The following MEMO1 variants were observed in gnomAD, a reference collection of about 807,000 sequenced individuals.
MEMO1 encodes the protein protein MEMO1.
MEMO1 carries 6 observed loss-of-function variants against 45.2 expected under a neutral mutation model. The observed-to-expected ratio is 0.13, with a 90% CI of 0.07 to 0.26. The LOEUF (loss-of-function observed/expected upper bound fraction) is 0.26. MEMO1 is among the 10% of genes least tolerant of loss of function. The pLI, the probability that MEMO1 is intolerant of heterozygous loss-of-function variation, is 1.00. For missense variants in MEMO1, 184 were observed against 370.5 expected, an observed-to-expected ratio of 0.50 and a Z score of 4.13; for synonymous variants, 78 against 124.3, an observed-to-expected ratio of 0.63 and a Z score of 2.48.
At chr2:31,929,053 T>C (rs1359004933) in intron 4 of MEMO1, among the ~76,000 whole-genome samples, 1 of 152,144 alleles carries the variant, frequency 6.6e-6, no homozygotes, top group African/African-American at 2.4e-5. Flanking sequence ...TCCATTGAAA[T>C]GCATTTTTTT....
chr2:31,972,085 AG>A (rs1669479900), intron 2 of MEMO1, among the ~76,000 whole-genome samples: 2 of 152,358 alleles, frequency 1.3e-5, no homozygotes, highest in African/African-American at 4.8e-5. Flanking sequence ...GGTGCAGACT[AG>A]GAACAGCACT....
chr2:31,969,322 GAT>G (rs764927129), intron 2 of MEMO1, among the ~76,000 whole-genome samples: 5 of 149,336 alleles, frequency 3.3e-5, no homozygotes, highest in Admixed American at 2.7e-4. Context: ...ATACATGTGT[GAT>G]ATGTGTGTAT....
At chr2:31,995,281 A>C (rs1047996931) in intron 2 of MEMO1, among the ~76,000 whole-genome samples, 1 of 151,566 alleles carries the variant, frequency 6.6e-6, no homozygotes, top group African/African-American at 2.4e-5. Context: ...GTGAAACCTC[A>C]TCTCTACTAA....
At chr2:31,906,727 G>A (rs925316069) in intron 6 of MEMO1, among the ~76,000 whole-genome samples, 1 of 152,056 alleles carries the variant, frequency 6.6e-6, no homozygotes, top group Admixed American at 6.6e-5. Flanking sequence ...ATTTTACAAC[G>A]GCATTCAATT....
chr2:31,942,632 CACT>C (rs1665746852), intron 3 of MEMO1, among the ~76,000 whole-genome samples: 1 of 151,992 alleles, frequency 6.6e-6, no homozygotes, highest in African/African-American at 2.4e-5. Flanking sequence ...AGAACCCCAC[CACT>C]GCCACCCCCA....
intron 2 of MEMO1, among the ~76,000 whole-genome samples, chr2:31,982,214 T>G (rs995164475): frequency 4.7e-5 from 7 of 150,256 alleles, no homozygotes; most frequent in African/African-American, 1.7e-4. Context: ...GGAGAATCGC[T>G]TGAACCCAGG....
chr2:31,868,635 GCAT>G (rs1290798935), intron 9 of MEMO1, 143 bp from the exon 10 acceptor site: 2 of 702,882 alleles, frequency 2.8e-6, no homozygotes, highest in African/African-American at 1.9e-5. Flanking sequence ...TTCTCTTGTT[GCAT>G]CATATTAAAA....
At chr2:31,897,673 A>AT (rs1558485397) in intron 6 of MEMO1, among the ~76,000 whole-genome samples, 1 of 151,986 alleles carries the variant, frequency 6.6e-6, no homozygotes, top group African/African-American at 2.4e-5. Context: ...TTGGCCTGAA[A>AT]TTTTCTTTTT....
chr2:31,999,669 CAA>C (rs1244689835), intron 2 of MEMO1, among the ~76,000 whole-genome samples: 3 of 152,192 alleles, frequency 2.0e-5, no homozygotes, highest in Middle Eastern at 3.4e-3. Context: ...GACCCTGTCT[CAA>C]AAAGTCTCCA....
At chr2:31,995,714 C>T (rs1672510932) in intron 2 of MEMO1, among the ~76,000 whole-genome samples, 1 of 151,510 alleles carries the variant, frequency 6.6e-6, no homozygotes, top group African/African-American at 2.4e-5. Flanking sequence ...AAAAAAAATC[C>T]TCAAGGAGGT....
At chr2:31,934,759 TTA>T (rs1267673448) in intron 3 of MEMO1, among the ~76,000 whole-genome samples, 5 of 152,096 alleles carry the variant, frequency 3.3e-5, no homozygotes, top group Admixed American at 6.5e-5. Context: ...TATCAAACTG[TTA>T]TTAGTCTAGT....
At chr2:31,891,776 C>A (rs1245306949) in intron 7 of MEMO1, among the ~76,000 whole-genome samples, 1 of 152,146 alleles carries the variant, frequency 6.6e-6, no homozygotes, top group East Asian at 1.9e-4. Flanking sequence ...TCCAATTATA[C>A]CAGTCGCCTT....
At chr2:31,896,754 A>G (rs1245879438) in intron 6 of MEMO1, among the ~76,000 whole-genome samples, 2 of 152,218 alleles carry the variant, frequency 1.3e-5, no homozygotes. Flanking sequence ...ATATTTGTAA[A>G]TCATATATCT....
intron 4 of MEMO1, among the ~76,000 whole-genome samples, chr2:31,929,725 C>A (rs1282739592): frequency 6.6e-6 from 1 of 152,072 alleles, no homozygotes; most frequent in Non-Finnish European, 1.5e-5. Flanking sequence ...ATGATCCTGG[C>A]TGAAATATAG....
intron 2 of MEMO1, among the ~76,000 whole-genome samples, chr2:31,984,467 G>T (rs1405774266): frequency 6.6e-6 from 1 of 152,110 alleles, no homozygotes; most frequent in African/African-American, 2.4e-5. Flanking sequence ...CTAAAGACAG[G>T]CTCACTAAAC....
In MEMO1 at chr2:31,974,089, C is replaced by T. The variant is rs991161359; in HGVS notation, c.62-30706G>A. ...CAGAAACTGCTAATTGTTTCTCGCT[C>T]GCTCCCTCCCTCCCTCCCTCCAATC... On this transcript the variant is annotated intron_variant, in intron 2 of 9. Transcript: ENST00000404530. 5.3e-5 allele frequency among the ~76,000 whole-genome samples: 8 copies of T among 152,114 alleles called. No individual in the cohort carries two copies. The East Asian group carries it at 9.6e-4, about 18-fold the overall frequency.
At chr2:31,960,231 A>G (rs1558534345) in intron 2 of MEMO1, among the ~76,000 whole-genome samples, 1 of 152,098 alleles carries the variant, frequency 6.6e-6, no homozygotes, top group Non-Finnish European at 1.5e-5. Flanking sequence ...TGTTTTCTGC[A>G]CATTCACATT....
chr2:31,880,296 A>G (rs1349676136), intron 8 of MEMO1, among the ~76,000 whole-genome samples: 1 of 152,200 alleles, frequency 6.6e-6, no homozygotes, highest in Non-Finnish European at 1.5e-5. Flanking sequence ...AAACAACTGA[A>G]ATGAAAACAT....
chr2:31,877,759 C>A (rs1226050709), intron 8 of MEMO1, among the ~76,000 whole-genome samples: 2 of 152,000 alleles, frequency 1.3e-5, no homozygotes, highest in Admixed American at 6.6e-5. Context: ...CTTCATTGTA[C>A]CTTCTAATTT....
Sources: allele counts gnomAD v4.1 joint callset (sites outside exome capture counted in the v4.1 genomes callset), GRCh38; gene constraint gnomAD v4.1.1; transcripts MANE v1.5; gene names NCBI Gene and HGNC (gene_info 2026-07-23, HGNC 2026-07-21).